RPH3AL: variants seen among roughly 807,000 people sequenced by gnomAD.
RPH3AL encodes rabphilin 3A like (without C2 domains).
Under a neutral mutation model 43.1 loss-of-function variants are expected in RPH3AL, and 38 were observed. That is an observed-to-expected ratio of 0.88 (90% CI 0.68 to 1.15). The LOEUF is 1.15. Among genes scored for constraint, RPH3AL ranks in the 50% most tolerant of loss-of-function variants. RPH3AL has a pLI of 0.00. For synonymous variants in RPH3AL, 189 were observed against 176.3 expected (o/e 1.07, Z -0.57); for missense variants, 462 against 423.2 (o/e 1.09, Z -0.81).
rs1555520548 is a variant in RPH3AL at position 315,811 on chromosome 17, C to T, written c.351+3609G>A. ...ATTGACCTGTAGTCCCTGTGCCCCA[C>T]CTCCATTGACCTGTAGTCCCTGTGC... On this transcript the variant is annotated intron_variant, in intron 5 of 9. Transcript: ENST00000331302. 1.5e-3 allele frequency among the ~76,000 whole-genome samples: 192 copies of T among 131,814 alleles called. 1 individual carries two copies. The highest frequency in any genetic ancestry group is 2.9e-3 in the Admixed American group (38 of 12,904). 86.5% of individuals were successfully genotyped at this position (131,814 alleles called of 152,430 possible).
intron 1 of RPH3AL, among the ~76,000 whole-genome samples, chr17:337,517 C>T (rs2044992170): frequency 6.6e-6 from 1 of 152,228 alleles, no homozygotes; most frequent in Non-Finnish European, 1.5e-5. Context: ...CCCTCCAGCC[C>T]CTGCTAAGAC....
Position 278,998 on chromosome 17 carries a change from A to G in RPH3AL, c.438+2770T>C, listed in dbSNP as rs1399050520. ...GTGAAGCACGAAAGGAAAGGAAGAT[A>G]AGAGGCCTTGGGCAGAATGCTCCAA... On this transcript the variant is annotated intron_variant, in intron 6 of 9. Coordinates refer to ENST00000331302, the MANE Select transcript of RPH3AL (RefSeq NM_006987.4). 3.3e-5 allele frequency among the ~76,000 whole-genome samples: 5 copies of G among 152,206 alleles called. 1 individual carries two copies. The South Asian group carries it at 6.2e-4, about 19-fold the overall frequency.
chr17:316,299 C>T (rs2044176154), intron 5 of RPH3AL, among the ~76,000 whole-genome samples: 1 of 148,716 alleles, frequency 6.7e-6, no homozygotes, highest in South Asian at 2.2e-4. Flanking sequence ...CTCTGTGCTC[C>T]ACCTCCATTG....
intron 7 of RPH3AL, among the ~76,000 whole-genome samples, chr17:223,393 C>T (rs767831933): frequency 2.6e-5 from 4 of 152,100 alleles, no homozygotes; most frequent in Non-Finnish European, 4.4e-5. Flanking sequence ...GAGTCATGGG[C>T]GCCTGTCAGC....
intron 5 of RPH3AL, among the ~76,000 whole-genome samples, chr17:291,723 G>A (rs929071811): frequency 6.6e-6 from 1 of 152,190 alleles, no homozygotes; most frequent in Non-Finnish European, 1.5e-5. Flanking sequence ...CGATGATGAT[G>A]TAAATAGAAA....
rs960583471 is a variant in RPH3AL at position 245,894 on chromosome 17, G to A, written c.613+1217C>T. ...CCCACCAATGTCTGTCCGTGGCAGC[G>A]ATGTCGGGGGTGAACTCATAGGCAG... On this transcript the variant is annotated intron_variant, in intron 7 of 9. Coordinates refer to ENST00000331302, the MANE Select transcript of RPH3AL (RefSeq NM_006987.4). The surrounding 1 kb of genome is among the most constrained non-coding windows in gnomAD (Gnocchi z 5.9). Among the ~76,000 whole-genome samples, 13 of 152,120 alleles carry A rather than the reference G, an allele frequency of 8.5e-5. No individual in the cohort carries two copies. Among genetic ancestry groups the A allele is most frequent in the African/African-American group, 2.7e-4 (11 of 41,402 alleles).
At chr17:219,975 A>G (rs1022653567) in intron 7 of RPH3AL, among the ~76,000 whole-genome samples, 7 of 152,184 alleles carry the variant, frequency 4.6e-5, no homozygotes, top group African/African-American at 1.7e-4. Context: ...GCTGACCAGC[A>G]GAGAAGAGTT....
intron 5 of RPH3AL, among the ~76,000 whole-genome samples, chr17:301,551 T>G (rs2043327782): frequency 1.3e-5 from 2 of 152,182 alleles, no homozygotes; most frequent in South Asian, 4.1e-4. Flanking sequence ...GGGATCCTCC[T>G]GCCTTGGCCT....
chr17:226,729 G>A (rs750242051), intron 7 of RPH3AL, among the ~76,000 whole-genome samples: 2 of 152,092 alleles, frequency 1.3e-5, no homozygotes, highest in Non-Finnish European at 2.9e-5. Context: ...CTCAAACTTC[G>A]GCTAATTTGC....
At chr17:314,618 T>TA (rs2043820918) in intron 5 of RPH3AL, among the ~76,000 whole-genome samples, 1 of 148,864 alleles carries the variant, frequency 6.7e-6, no homozygotes, top group African/African-American at 2.5e-5. Context: ...GTAGTCCCTG[T>TA]GCCCCACCTC....
At chr17:317,596 C>A (rs1354133900) in intron 5 of RPH3AL, among the ~76,000 whole-genome samples, 1 of 152,066 alleles carries the variant, frequency 6.6e-6, no homozygotes, top group African/African-American at 2.4e-5. Flanking sequence ...GAAGGAGGAG[C>A]CCGCACAGTC....
At position 283,272 on chromosome 17, in the gene RPH3AL, G is replaced by C. The variant is rs2042825487; in HGVS notation, c.352-1418C>G. 1.3e-5 allele frequency among the ~76,000 whole-genome samples: 2 copies of C among 152,172 alleles called. No individual in the cohort carries two copies. Among genetic ancestry groups the C allele is most frequent in the Admixed American group, 6.5e-5 (1 of 15,290 alleles). ...TGGAGAGGGAAAATGTCACCAACTT[G>C]GCTTCCACGTCGAGCGTGTCGAGCG... On this transcript the variant is annotated intron_variant, in intron 5 of 9. Coordinates refer to ENST00000331302, the MANE Select transcript of RPH3AL (RefSeq NM_006987.4). The surrounding 1 kb of genome is among the most constrained non-coding windows in gnomAD (Gnocchi z 4.2).
intron 6 of RPH3AL, among the ~76,000 whole-genome samples, chr17:273,228 A>G (rs866080914): frequency 6.7e-5 from 7 of 104,218 alleles, no homozygotes; most frequent in East Asian, 2.9e-4. Context: ...GTGAGACCCC[A>G]GCGAGGGCGA....
At chr17:227,424 T>A (rs1397652230) in intron 7 of RPH3AL, among the ~76,000 whole-genome samples, 3 of 152,092 alleles carry the variant, frequency 2.0e-5, no homozygotes, top group African/African-American at 4.8e-5. Flanking sequence ...CCTGGGATGG[T>A]CCAGGGGACA....
chr17:277,916 C>A (rs2042691936), intron 6 of RPH3AL, among the ~76,000 whole-genome samples: 1 of 152,062 alleles, frequency 6.6e-6, no homozygotes. Flanking sequence ...GATCGTGGCA[C>A]TGCCCTACAG....
chr17:213,855 G>A lies in RPH3AL; in HGVS notation c.945C>T (p.Gly315=). Residue 315 remains glycine (G), a synonymous_variant, in exon 10 of 10, where the codon GGC becomes GGT. Transcript: ENST00000331302. ...AAPAGPSSCL[G] is the part of the protein sequence containing the mutation. ...TCTGTTCCAGGCACCAGACACCTCAGCCCAGGCAGCTGGAGGGGCCTGCTG... is the reference window on the plus strand; with the variant it reads ...TCTGTTCCAGGCACCAGACACCTCAACCCAGGCAGCTGGAGGGGCCTGCTG... 6.2e-7 allele frequency: 1 copy of A among 1,613,096 alleles called. No individual in the cohort carries two copies. The highest frequency in any genetic ancestry group is 8.5e-7 in the Non-Finnish European group (1 of 1,179,564).
intron 1 of RPH3AL, among the ~76,000 whole-genome samples, chr17:342,412 T>A (rs1371174356): frequency 6.6e-6 from 1 of 152,134 alleles, no homozygotes; most frequent in African/African-American, 2.4e-5. Flanking sequence ...ACACCAATGC[T>A]CATAGCAGCA....
chr17:228,613 T>C (rs974740893), intron 7 of RPH3AL, among the ~76,000 whole-genome samples: 7 of 152,178 alleles, frequency 4.6e-5, no homozygotes, highest in African/African-American at 1.7e-4. Context: ...AGCTGGGCTT[T>C]GTAGGACACC....
At chr17:342,665 AG>A (rs1372929045) in intron 1 of RPH3AL, among the ~76,000 whole-genome samples, 1 of 152,218 alleles carries the variant, frequency 6.6e-6, no homozygotes, top group Non-Finnish European at 1.5e-5. Context: ...AGAGACAGAA[AG>A]TAGATTAGTG....
Sources: allele counts gnomAD v4.1 joint callset (sites outside exome capture counted in the v4.1 genomes callset), GRCh38; gene constraint gnomAD v4.1.1; non-coding constraint Gnocchi (gnomAD v3.1); transcripts MANE v1.5; gene names NCBI Gene and HGNC (gene_info 2026-07-23, HGNC 2026-07-21).